The following NUDC variants were observed in gnomAD, a reference collection of about 807,000 sequenced individuals.
The protein encoded by NUDC is nuclear migration protein nudC.
NUDC carries 14 observed loss-of-function variants against 45.0 expected under a neutral mutation model. The observed-to-expected ratio is 0.31, with a 90% CI of 0.21 to 0.49. The LOEUF is 0.49. Ranked by LOEUF, NUDC falls within the 20% of genes least tolerant of loss-of-function variation. NUDC has a pLI of 0.99. For synonymous variants in NUDC, 153 were observed against 156.7 expected (o/e 0.98, Z 0.17); for missense variants, 323 against 426.2 (o/e 0.76, Z 2.13).
At position 26,946,200 on chromosome 1, in the gene NUDC, T is replaced by G; in HGVS notation, c.*19T>G. The G allele has an allele frequency of 1.2e-6, 2 of 1,607,862 alleles. No individual in the cohort carries two copies. Among genetic ancestry groups the G allele is most frequent in the Non-Finnish European group, 1.7e-6 (2 of 1,175,628 alleles). ...CAACTAGCCCCTGTTTTTTCCTCCC[T>G]GAACTCTTGGGGCTGAGCTGCAACC... is the stretch of plus-strand genomic sequence containing the variant. On this transcript the variant is annotated 3_prime_UTR_variant, in exon 9 of 9. Coordinates refer to ENST00000321265, the MANE Select transcript of NUDC (RefSeq NM_006600.4).
chr1:26,946,038 T>G, intron 8 of NUDC, 92 bp from the exon 9 acceptor site: 1 of 1,296,894 alleles, frequency 7.7e-7, no homozygotes, highest in Non-Finnish European at 1.1e-6. Flanking sequence ...TGCTGAGGTC[T>G]AAAGAGATTA....
intron 2 of NUDC, among the ~76,000 whole-genome samples, chr1:26,902,765 A>G (rs996311942): frequency 6.6e-6 from 1 of 151,872 alleles, no homozygotes; most frequent in Admixed American, 6.6e-5. Flanking sequence ...AAAAATTATA[A>G]TGGCTGGGCG....
upstream of NUDC, among the ~76,000 whole-genome samples, chr1:26,917,784 G>C (rs34385991): frequency 0.067 from 10,163 of 151,926 alleles, 375 homozygotes; most frequent in Non-Finnish European, 0.078. Context: ...TACTTGGGAG[G>C]CTGAGGCAGG....
At chr1:26,924,201 C>CTT in intron 2 of NUDC, 35 bp downstream of exon 2, 1 of 1,587,032 alleles carries the variant, frequency 6.3e-7, no homozygotes, top group Non-Finnish European at 8.7e-7. Context: ...TTGGGCGGCT[C>CTT]TGTCTCTTCA....
chr1:26,922,650 A>G (rs532139402), intron 1 of NUDC, among the ~76,000 whole-genome samples: 1 of 152,362 alleles, frequency 6.6e-6, no homozygotes, highest in East Asian at 1.9e-4. Context: ...TGTCAGGATC[A>G]GAACTCTCAT....
intron 3 of NUDC, among the ~76,000 whole-genome samples, chr1:26,914,761 G>A (rs1354533830): frequency 6.6e-6 from 1 of 152,054 alleles, no homozygotes; most frequent in Non-Finnish European, 1.5e-5. Flanking sequence ...GAGGTCAGGA[G>A]TTCAAGACCA....
chr1:26,913,837 G>A (rs1055948542), intron 3 of NUDC: 6 of 1,509,072 alleles, frequency 4.0e-6, no homozygotes, highest in Non-Finnish European at 5.3e-6. Context: ...GCGGCTACGG[G>A]GTCGGGGGAC....
chr1:26,913,409 C>T lies in NUDC; in HGVS notation c.93+2174C>T, dbSNP rs201991593. 146 of 1,614,034 alleles carry T rather than the reference C, an allele frequency of 9.0e-5. No individual in the cohort carries two copies. Among genetic ancestry groups the T allele is most frequent in the South Asian group, 4.0e-4 (36 of 91,068 alleles). On this transcript the variant is annotated intron_variant, in intron 3 of 6. Coordinates refer to the NUDC transcript ENST00000435827. ...CACCCAGGAGTGTCTGGGAGCTCAC[C>T]GGGGTTGAAGAGGATGGTCCCTTTC...
Position 26,942,663 on chromosome 1 carries a change from A to G in NUDC, c.433A>G (p.Thr145Ala). 1.2e-6 allele frequency: 2 copies of G among 1,614,140 alleles called. No individual in the cohort carries two copies. Among genetic ancestry groups the G allele is most frequent in the South Asian group, 2.2e-5 (2 of 91,062 alleles). The change falls in exon 5 of 9, where the codon ACT (threonine) becomes GCT (alanine). Residue 145 changes from threonine (T) to alanine (A), a missense_variant. By Grantham distance (58) the Thr-to-Ala change is moderately conservative (BLOSUM62 0). Coordinates refer to ENST00000321265, the MANE Select transcript of NUDC (RefSeq NM_006600.4). ...GSLDSPGKQD[T>A]EEDEEEDEKD... ...GAGTGTCCCTGATTGTAAGCAGGAT[A>G]CTGAGGAAGATGAGGAGGAAGATGA...
At chr1:26,924,022 G>T in intron 1 of NUDC, 67 bp from the exon 2 acceptor site, 1 of 1,422,390 alleles carries the variant, frequency 7.0e-7, no homozygotes, top group South Asian at 1.1e-5. Context: ...AAAACAAGTT[G>T]ACTTGTGTGC....
chr1:26,909,827 G>C (rs1426234544), intron 2 of NUDC, among the ~76,000 whole-genome samples: 1 of 152,074 alleles, frequency 6.6e-6, no homozygotes, highest in African/African-American at 2.4e-5. Flanking sequence ...GGTGGGAGGT[G>C]GGGGGATACA....
chr1:26,945,595 A>G lies in NUDC; in HGVS notation c.853A>G (p.Ser285Gly). Residue 285 changes from serine (S) to glycine (G), a missense_variant, in exon 8 of 9, where the codon AGC becomes GGC. Ser to Gly is a moderately conservative substitution (Grantham distance 56). Transcript: ENST00000321265. The stretch of plus-strand genomic sequence containing the variant: ...GTCAGACCTGGACAGTGAGACTCGC[A>G]GCATGGTGGAAAAGATGATGTATGA... Reference protein sequence around the residue: ...KLSDLDSETRSMVEKMMYDQR... With the variant: ...KLSDLDSETRGMVEKMMYDQR... 1.2e-6 allele frequency: 2 copies of G among 1,614,184 alleles called. No individual in the cohort carries two copies. Among genetic ancestry groups the G allele is most frequent in the East Asian group, 4.5e-5 (2 of 44,886 alleles).
chr1:26,934,880 A>G (rs1343953474), intron 2 of NUDC, among the ~76,000 whole-genome samples: 2 of 151,972 alleles, frequency 1.3e-5, no homozygotes, highest in African/African-American at 4.8e-5. Flanking sequence ...GATGGTCTCG[A>G]TCTCCTGGCC....
At position 26,927,250 on chromosome 1, in the gene NUDC, GGAGA is replaced by G. The variant is rs1250165273; in HGVS notation, c.159+3089_159+3092del. 5.3e-5 allele frequency among the ~76,000 whole-genome samples: 5 copies of G among 94,362 alleles called. No homozygotes were observed. In the East Asian group the frequency reaches 1.2e-3, roughly 22 times the overall value. The allele number at this position is 94,362 out of a possible 152,430, so 61.9% of individuals were successfully genotyped here. ...GCTGGAGCACAGTGGCTGTAAGAAG[GGAGA>G]GAGATGAACCGTGTGTGTGTGTGTG... On this transcript the variant is annotated intron_variant, in intron 2 of 8. Transcript: ENST00000321265.
chr1:26,901,467 C>T (rs918443478), intron 1 of NUDC, among the ~76,000 whole-genome samples: 8 of 137,276 alleles, frequency 5.8e-5, no homozygotes, highest in African/African-American at 2.2e-4. Flanking sequence ...TGCAATGGTG[C>T]GATCTCGGCT....
intron 2 of NUDC, among the ~76,000 whole-genome samples, chr1:26,929,353 G>T (rs1237975054): frequency 1.3e-5 from 2 of 151,412 alleles, no homozygotes; most frequent in East Asian, 3.9e-4. Flanking sequence ...TGGGAGGATG[G>T]CTTGAGCCCA....
chr1:26,923,538 T>G (rs2082108017), intron 1 of NUDC, among the ~76,000 whole-genome samples: 1 of 152,134 alleles, frequency 6.6e-6, no homozygotes, highest in African/African-American at 2.4e-5. Flanking sequence ...TGGCACGATC[T>G]TGGCTCACTG....
At chr1:26,943,207 T>C (rs1047614841) in intron 6 of NUDC, 142 bp downstream of exon 6, 19 of 916,934 alleles carry the variant, frequency 2.1e-5, no homozygotes, top group Middle Eastern at 2.1e-4. Flanking sequence ...AGTAGATCTG[T>C]CTCTATTTTA....
At chr1:26,923,383 A>G (rs140561138) in intron 1 of NUDC, among the ~76,000 whole-genome samples, 4 of 152,358 alleles carry the variant, frequency 2.6e-5, no homozygotes, top group Non-Finnish European at 5.9e-5. Context: ...CGTTGGCTAC[A>G]CTTGTACTCC....
Sources: allele counts gnomAD v4.1 joint callset (sites outside exome capture counted in the v4.1 genomes callset), GRCh38; gene constraint gnomAD v4.1.1; transcripts MANE v1.5; gene names NCBI Gene and HGNC (gene_info 2026-07-23, HGNC 2026-07-21).